CTTNBP2: variants seen among roughly 807,000 people sequenced by gnomAD.
CTTNBP2 encodes the protein cortactin-binding protein 2.
A neutral mutation model predicts 156.9 loss-of-function variants in CTTNBP2; 108 were observed. That is an observed-to-expected ratio of 0.69 (90% CI 0.59 to 0.81). CTTNBP2 has a LOEUF of 0.81. Ranked by LOEUF, CTTNBP2 falls within the 30% of genes least tolerant of loss-of-function variation. The pLI, the probability that CTTNBP2 is intolerant of heterozygous loss-of-function variation, is 0.00. For synonymous variants in CTTNBP2, 767 were observed against 751.8 expected, an observed-to-expected ratio of 1.02 and a Z score of -0.33; for missense variants, 1,924 against 2,035.4, an observed-to-expected ratio of 0.95 and a Z score of 1.05.
chr7:117,809,819 T>A (rs1017780796), intron 3 of CTTNBP2, among the ~76,000 whole-genome samples: 2 of 152,180 alleles, frequency 1.3e-5, no homozygotes, highest in South Asian at 2.1e-4. Flanking sequence ...AGGTGTTACA[T>A]ATGAGATATC....
At chr7:117,789,518 T>C (rs1034849269) in intron 4 of CTTNBP2, among the ~76,000 whole-genome samples, 8 of 152,194 alleles carry the variant, frequency 5.3e-5, no homozygotes, top group Non-Finnish European at 7.3e-5. Context: ...TGGATTTAAT[T>C]TGTAAGAAAC....
chr7:117,872,964 G>A (rs1388945258), intron 1 of CTTNBP2, among the ~76,000 whole-genome samples: 1 of 152,096 alleles, frequency 6.6e-6, no homozygotes, highest in Admixed American at 6.5e-5. Flanking sequence ...GTGAACAATG[G>A]GGGGTCAAAT....
chr7:117,714,018 C>T (rs750491098), intron 22 of CTTNBP2: 1 of 152,184 alleles, frequency 6.6e-6, no homozygotes, highest in Non-Finnish European at 1.5e-5. Context: ...AACAGATGGG[C>T]TCGGTTTTAA....
chr7:117,717,084 CTAA>C lies in CTTNBP2; in HGVS notation c.4746+931_4746+933del, dbSNP rs570435394. Among the ~76,000 whole-genome samples, 132 of 152,176 alleles carry C rather than the reference CTAA, an allele frequency of 8.7e-4. 1 individual carries two copies. The highest frequency in any genetic ancestry group is 4.1e-4 in the Non-Finnish European group (28 of 68,042). On this transcript the variant is annotated intron_variant, in intron 22 of 22. Transcript: ENST00000160373. ...TTCTGTGAAGTCTGCATCCTCACAACTAATGAGTGAGACATTTCTCATTGTTTC... is the reference window on the plus strand; with the variant it reads ...TTCTGTGAAGTCTGCATCCTCACAACTGAGTGAGACATTTCTCATTGTTTC...
intron 2 of CTTNBP2, among the ~76,000 whole-genome samples, chr7:117,838,805 T>C (rs1036852598): frequency 1.3e-5 from 2 of 152,188 alleles, no homozygotes; most frequent in East Asian, 3.8e-4. Context: ...TTTCAGGATT[T>C]ACTGTAGTTT....
chr7:117,800,270 TA>T (rs1488469557), intron 3 of CTTNBP2, among the ~76,000 whole-genome samples: 2 of 152,090 alleles, frequency 1.3e-5, no homozygotes, highest in Non-Finnish European at 2.9e-5. Flanking sequence ...ATCGTTTACC[TA>T]AAATTCTAAT....
intron 1 of CTTNBP2, among the ~76,000 whole-genome samples, chr7:117,869,431 C>T (rs970679311): frequency 2.0e-5 from 3 of 152,124 alleles, no homozygotes; most frequent in African/African-American, 7.2e-5. Context: ...GAACACTTAC[C>T]ATGTGCCTGG....
rs115924999 is a variant in CTTNBP2 at position 117,752,420 on chromosome 7, A to C, written c.3348+4135T>G. 2.2e-3 allele frequency among the ~76,000 whole-genome samples: 330 copies of C among 152,358 alleles called. 1 individual carries two copies. The highest frequency in any genetic ancestry group is 7.5e-3 in the African/African-American group (312 of 41,588). ...CTAAATGTTTAAGTTAATGCAAAAAATTCAACAATTACAATAAATTACTAG... is the reference window on the plus strand; with the variant it reads ...CTAAATGTTTAAGTTAATGCAAAAACTTCAACAATTACAATAAATTACTAG... On this transcript the variant is annotated intron_variant, in intron 12 of 22. Transcript: ENST00000160373.
intron 2 of CTTNBP2, among the ~76,000 whole-genome samples, chr7:117,851,268 G>GA (rs1336590157): frequency 6.6e-6 from 1 of 151,762 alleles, no homozygotes; most frequent in African/African-American, 2.4e-5. Flanking sequence ...AAAATAGAGG[G>GA]AAAAAAAGAA....
At chr7:117,811,483 A>C (rs1336345754) in intron 2 of CTTNBP2, among the ~76,000 whole-genome samples, 1 of 152,020 alleles carries the variant, frequency 6.6e-6, no homozygotes, top group African/African-American at 2.4e-5. Context: ...TTGATTTTTT[A>C]ATTAAGATGG....
chr7:117,772,078 T>C (rs1243486045), intron 8 of CTTNBP2, among the ~76,000 whole-genome samples: 3 of 152,116 alleles, frequency 2.0e-5, no homozygotes, highest in Non-Finnish European at 4.4e-5. Flanking sequence ...GACTTGACCG[T>C]CATGATAGGC....
In CTTNBP2 at chr7:117,721,102, C is replaced by G; in HGVS notation, c.4476G>C (p.Leu1492=). Residue 1492 remains leucine, a synonymous_variant, in exon 20 of 23, where the codon CTG becomes CTC. Transcript: ENST00000160373. ...EGMKNKTISQ[L]NCNRNASLSK... is the part of the protein sequence containing the mutation. ...ACAGAGAAGCATTCCTGTTACAATTCAGCTGTGATATAGTCTTATTTTTCA... is the reference window on the plus strand; with the variant it reads ...ACAGAGAAGCATTCCTGTTACAATTGAGCTGTGATATAGTCTTATTTTTCA... 6.2e-7 allele frequency: 1 copy of G among 1,606,140 alleles called. No individual in the cohort carries two copies. The highest frequency in any genetic ancestry group is 2.2e-5 in the East Asian group (1 of 44,812).
chr7:117,786,184 A>G (rs1014944384), intron 4 of CTTNBP2, among the ~76,000 whole-genome samples: 1 of 152,198 alleles, frequency 6.6e-6, no homozygotes, highest in Non-Finnish European at 1.5e-5. Context: ...CACTGCTAAT[A>G]AAAAGCTGGA....
intron 1 of CTTNBP2, among the ~76,000 whole-genome samples, chr7:117,862,309 G>A (rs1215865252): frequency 2.6e-5 from 4 of 151,968 alleles, no homozygotes; most frequent in Non-Finnish European, 2.9e-5. Flanking sequence ...CCTAGGTGTG[G>A]GGTGGGGTGG....
At chr7:117,791,031 TTA>T in intron 4 of CTTNBP2, 95 bp downstream of exon 4, 2 of 1,053,746 alleles carry the variant, frequency 1.9e-6, no homozygotes, top group Non-Finnish European at 2.8e-6. Flanking sequence ...AGCATCAAAT[TTA>T]AAAAAAAAGT....
Position 117,750,261 on chromosome 7 carries a change from A to G in CTTNBP2, c.3349-4162T>C, listed in dbSNP as rs547427920. On this transcript the variant is annotated intron_variant, in intron 12 of 22. Coordinates refer to ENST00000160373, the MANE Select transcript of CTTNBP2 (RefSeq NM_033427.3). The stretch of plus-strand genomic sequence containing the variant: ...AAATCAAATAACATAAAGAGACCCA[A>G]CTTCATAAAGAAGCTGTCTTTAGTT... Among the ~76,000 whole-genome samples, 29 of 152,270 alleles carry G rather than the reference A, an allele frequency of 1.9e-4. No homozygotes were observed. In the South Asian group the frequency reaches 3.3e-3, roughly 17 times the overall value.
chr7:117,784,342 T>G lies in CTTNBP2; in HGVS notation c.2181A>C (p.Ser727=). 2 of 1,613,878 alleles carry G rather than the reference T, an allele frequency of 1.2e-6. No individual in the cohort carries two copies. The highest frequency in any genetic ancestry group is 1.1e-5 in the South Asian group (1 of 91,052). Residue 727 remains serine (S), a synonymous_variant, in exon 5 of 23, where the codon TCA becomes TCC. Transcript: ENST00000160373. Reference sequence around the variant, plus strand: ...CCAGTCCTTCTTCATTAAGCAGCATTGATAATAAAGTGACATTTCCCTGGG... The same window carrying G: ...CCAGTCCTTCTTCATTAAGCAGCATGGATAATAAAGTGACATTTCCCTGGG... ...AAAQGNVTLL[S]MLLNEEGLDI...
intron 2 of CTTNBP2, among the ~76,000 whole-genome samples, chr7:117,819,672 C>T (rs990355571): frequency 6.6e-6 from 1 of 152,080 alleles, no homozygotes; most frequent in East Asian, 1.9e-4. Context: ...AATGTCATGG[C>T]GTCAAATGAT....
chr7:117,788,407 T>C (rs1396235748), intron 4 of CTTNBP2, among the ~76,000 whole-genome samples: 1 of 152,158 alleles, frequency 6.6e-6, no homozygotes, highest in Non-Finnish European at 1.5e-5. Context: ...ATCACTGAAA[T>C]TGGAAGAGAC....
Sources: gnomAD v4.1 joint callset for allele counts (sites outside exome capture counted in the v4.1 genomes callset) on GRCh38, gnomAD v4.1.1 for gene constraint, MANE v1.5 for transcripts, NCBI Gene and HGNC (gene_info 2026-07-23, HGNC 2026-07-21) for gene names.